Variants in DAW1 observed in about 807,000 individuals in gnomAD.
The protein encoded by DAW1 is dynein assembly factor with WD repeat domains 1.
A neutral mutation model predicts 56.5 loss-of-function variants in DAW1; 47 were observed. That is an observed-to-expected ratio of 0.83 (90% confidence interval 0.66 to 1.06). DAW1 has a LOEUF of 1.06. DAW1 is among the 50% of genes least tolerant of loss of function. The probability of loss-of-function intolerance (pLI) is 0.00; values close to 1 mark genes in which losing one functional copy is unlikely to be tolerated. For missense variants in DAW1, 505 were observed against 499.3 expected (o/e 1.01, Z -0.11); for synonymous variants, 190 against 179.0 (o/e 1.06, Z -0.49).
chr2:227,897,250 G>C (rs1210890584), intron 5 of DAW1, among the ~76,000 whole-genome samples: 2 of 152,118 alleles, frequency 1.3e-5, no homozygotes, highest in African/African-American at 4.8e-5. Context: ...GTGTTTGCCA[G>C]TACAAGCTGC....
At position 227,889,905 on chromosome 2, in the gene DAW1, C is replaced by G; in HGVS notation, c.163C>G (p.Leu55Val). The G allele has an allele frequency of 6.2e-7, 1 of 1,610,846 alleles. No individual in the cohort carries two copies. Among genetic ancestry groups the G allele is most frequent in the Non-Finnish European group, 8.5e-7 (1 of 1,178,936 alleles). The change falls in exon 3 of 13, where the codon CTC becomes GTC. Residue 55 changes from leucine to valine, a missense_variant. Leu to Val is a conservative substitution (Grantham distance 32, BLOSUM62 1). Coordinates refer to ENST00000309931, the MANE Select transcript of DAW1 (RefSeq NM_178821.3). ...VEEIQKAEPL[L>V]TASRTEQVKL... Reference sequence around the variant, plus strand: ...AGAAATCCAGAAGGCAGAACCTCTACTCACAGCTTCACGAACAGAGCAAGT... The same window carrying G: ...AGAAATCCAGAAGGCAGAACCTCTAGTCACAGCTTCACGAACAGAGCAAGT...
Position 227,876,754 on chromosome 2 carries a change from C to T in DAW1, c.40+5025C>T, listed in dbSNP as rs78990289. ...GTGACATGGCTAACCAAACATGGGACATTCCTTTTCATCTTGGTCACATTT... is the reference window on the plus strand; with the variant it reads ...GTGACATGGCTAACCAAACATGGGATATTCCTTTTCATCTTGGTCACATTT... On this transcript the variant is annotated intron_variant, in intron 1 of 12. Coordinates refer to ENST00000309931, the MANE Select transcript of DAW1 (RefSeq NM_178821.3). Among the ~76,000 whole-genome samples, 580 of 152,324 alleles carry T rather than the reference C, an allele frequency of 3.8e-3. 2 individuals are homozygous for T. Among genetic ancestry groups the T allele is most frequent in the African/African-American group, 0.013 (540 of 41,574 alleles).
At chr2:227,917,302 C>T (rs1691978634) in intron 10 of DAW1, among the ~76,000 whole-genome samples, 1 of 151,408 alleles carries the variant, frequency 6.6e-6, no homozygotes. Context: ...GCTCTTTCGC[C>T]CAGGTGGGAC....
In DAW1 at chr2:227,885,402, ATTTGC is replaced by A; in HGVS notation, c.95_99del (p.Leu32Ter). 6.2e-7 allele frequency: 1 copy of A among 1,603,222 alleles called. No homozygotes were observed. Among genetic ancestry groups the A allele is most frequent in the Non-Finnish European group, 8.5e-7 (1 of 1,176,212 alleles). On this transcript the variant is annotated frameshift_variant, in exon 2 of 13. Coordinates refer to ENST00000309931, the MANE Select transcript of DAW1 (RefSeq NM_178821.3). LOFTEE classifies it high-confidence loss of function. ...GGAGAATTAAAGACTAAGTCCATAG[ATTTGC>A]TTGATCTTGGTCCCAGGTAAGTAAG... is the stretch of plus-strand genomic sequence containing the variant.
chr2:227,917,450 C>T lies in DAW1; in HGVS notation c.974-1330C>T, dbSNP rs147259231. Among the ~76,000 whole-genome samples, 380 of 152,058 alleles carry T rather than the reference C, an allele frequency of 2.5e-3. 3 individuals carry two copies. Among genetic ancestry groups the T allele is most frequent in the African/African-American group, 8.8e-3 (366 of 41,488 alleles). ...TAATTTGTTGTATTTTTAGTAGAGA[C>T]GGGGTTTCACCGTGTTAGCCAGGAT... On this transcript the variant is annotated intron_variant, in intron 10 of 12. Transcript: ENST00000309931.
intron 4 of DAW1, among the ~76,000 whole-genome samples, chr2:227,891,754 G>A (rs1429837042): frequency 6.6e-6 from 1 of 152,182 alleles, no homozygotes. Context: ...GAGAAGTCTC[G>A]TCTTGACCTA....
At chr2:227,909,468 AGT>A (rs1185919871) in intron 10 of DAW1, among the ~76,000 whole-genome samples, 1 of 150,526 alleles carries the variant, frequency 6.6e-6, no homozygotes, top group African/African-American at 2.4e-5. Context: ...ACATATATAT[AGT>A]ATATAACCAA....
chr2:227,905,215 C>T (rs111557331), intron 8 of DAW1, among the ~76,000 whole-genome samples, 180 bp downstream of exon 8: 334 of 152,178 alleles, frequency 2.2e-3, no homozygotes, highest in African/African-American at 7.6e-3. Context: ...AAAATATGTG[C>T]ATTCTTTGAA....
intron 1 of DAW1, among the ~76,000 whole-genome samples, chr2:227,880,397 T>TA (rs1491457487): frequency 7.0e-6 from 1 of 143,280 alleles, no homozygotes; most frequent in African/African-American, 2.6e-5. Context: ...TTTTTTTTTT[T>TA]ACTCTAGGGA....
At chr2:227,879,964 GGTAGA>G (rs1184047494) in intron 1 of DAW1, among the ~76,000 whole-genome samples, 41 of 151,960 alleles carry the variant, frequency 2.7e-4, no homozygotes, top group African/African-American at 7.7e-4. Flanking sequence ...TGTAATGTCT[GGTAGA>G]GTAAATTTTC....
intron 6 of DAW1, among the ~76,000 whole-genome samples, chr2:227,900,927 G>A (rs1301969092): frequency 6.6e-6 from 1 of 152,192 alleles, no homozygotes; most frequent in Non-Finnish European, 1.5e-5. Flanking sequence ...GGAGAGGCAA[G>A]CAAGGGCCAT....
At chr2:227,916,396 C>T (rs1309591181) in intron 10 of DAW1, among the ~76,000 whole-genome samples, 1 of 152,082 alleles carries the variant, frequency 6.6e-6, no homozygotes, top group Non-Finnish European at 1.5e-5. Flanking sequence ...TTGAGAAGTA[C>T]ATATGATGCT....
rs552791459 is a variant in DAW1 at position 227,913,779 on chromosome 2, G to A, written c.974-5001G>A. 1.6e-4 allele frequency among the ~76,000 whole-genome samples: 24 copies of A among 151,866 alleles called. No homozygotes were observed. In the South Asian group the frequency reaches 4.8e-3, roughly 30 times the overall value. On this transcript the variant is annotated intron_variant, in intron 10 of 12. Transcript: ENST00000309931. ...CTATGCATATGTCATGCTCTTTATGGCCACTGAGATGCTACAGTGTCTCTG... is the reference window on the plus strand; with the variant it reads ...CTATGCATATGTCATGCTCTTTATGACCACTGAGATGCTACAGTGTCTCTG...
Position 227,906,175 on chromosome 2 carries a change from T to G in DAW1, c.756-61T>G. The stretch of plus-strand genomic sequence containing the variant: ...TACACAGATGGGCTTGGCCTCATTA[T>G]TCATGTGCATATACTGAAGTAAGAT... On this transcript the variant is annotated intron_variant, in intron 8 of 12. Coordinates refer to ENST00000309931, the MANE Select transcript of DAW1 (RefSeq NM_178821.3). 6 of 1,354,202 alleles carry G rather than the reference T, an allele frequency of 4.4e-6. No individual in the cohort carries two copies. In the South Asian group the frequency reaches 7.9e-5, roughly 18 times the overall value. The allele number at this position is 1,354,202 out of a possible 1,614,324, so 83.9% of individuals were successfully genotyped here. A position where few individuals can be genotyped will look rare whatever the true frequency, so the allele number is the denominator to read the frequency against.
intron 4 of DAW1, 86 bp from the exon 5 acceptor site, chr2:227,893,709 G>C: frequency 1.3e-6 from 2 of 1,508,194 alleles, no homozygotes; most frequent in African/African-American, 1.4e-5. Flanking sequence ...ATAATAAATA[G>C]AGTTATTATC....
At chr2:227,884,536 C>G (rs149167576) in intron 1 of DAW1, among the ~76,000 whole-genome samples, 5 of 152,172 alleles carry the variant, frequency 3.3e-5, no homozygotes, top group African/African-American at 4.8e-5. Flanking sequence ...TAGGCTCTTG[C>G]AATGTTACTG....
chr2:227,889,356 C>A (rs546189845), intron 2 of DAW1, among the ~76,000 whole-genome samples: 31 of 152,266 alleles, frequency 2.0e-4, no homozygotes, highest in Admixed American at 1.0e-3. Context: ...AGGATGGCAC[C>A]TTGATGCTGC....
intron 6 of DAW1, among the ~76,000 whole-genome samples, chr2:227,898,707 ACC>A (rs959617151): frequency 6.6e-6 from 1 of 152,050 alleles, no homozygotes; most frequent in African/African-American, 2.4e-5. Context: ...TTCAAATTCT[ACC>A]CCATGTTTTT....
chr2:227,896,123 G>A (rs892999873), intron 5 of DAW1, among the ~76,000 whole-genome samples: 12 of 152,008 alleles, frequency 7.9e-5, no homozygotes, highest in South Asian at 2.1e-4. Flanking sequence ...GTGATTAAGC[G>A]TTCCAATTAA....
Sources: allele counts gnomAD v4.1 joint callset (sites outside exome capture counted in the v4.1 genomes callset), GRCh38; gene constraint gnomAD v4.1.1; transcripts MANE v1.5; gene names NCBI Gene and HGNC (gene_info 2026-07-23, HGNC 2026-07-21).